The following SUPT3H variants were observed in gnomAD, a reference collection of about 807,000 sequenced individuals.
The protein encoded by SUPT3H is SPT3 homolog, SAGA and STAGA complex component.
Under a neutral mutation model 44.3 loss-of-function variants are expected in SUPT3H, and 44 were observed. The observed-to-expected ratio is 0.99, with a 90% CI of 0.78 to 1.28. The LOEUF is 1.28. Ranked by LOEUF, SUPT3H falls within the 50% of genes most tolerant of loss-of-function variation. The pLI is 0.00. For synonymous variants in SUPT3H, 124 were observed against 125.6 expected, an observed-to-expected ratio of 0.99 and a Z score of 0.09; for missense variants, 380 against 387.1, an observed-to-expected ratio of 0.98 and a Z score of 0.15.
At chr6:45,030,073 ATTTAACTATTTAGTATT>A (rs1461823440) in intron 3 of SUPT3H, among the ~76,000 whole-genome samples, 1 of 152,164 alleles carries the variant, frequency 6.6e-6, no homozygotes, top group East Asian at 1.9e-4. Context: ...CCTCTTTAAA[ATTTAACTATTTAGTATT>A]TAACTATTGA....
At chr6:45,046,606 C>G (rs1428827308) in intron 3 of SUPT3H, among the ~76,000 whole-genome samples, 2 of 152,224 alleles carry the variant, frequency 1.3e-5, no homozygotes, top group African/African-American at 4.8e-5. Context: ...GCTGGGATTA[C>G]AGGCGTGAGC....
rs796866510 is a variant in SUPT3H, at chr6:45,230,686, A to ATATATT, written c.102-124681_102-124680insAATATA. On this transcript the variant is annotated intron_variant, in intron 2 of 10. Coordinates refer to ENST00000371459, the MANE Select transcript of SUPT3H (RefSeq NM_003599.4). Reference sequence around the variant, plus strand: ...TCTATATATATATATATATATATATATTTTTGAGATGGAGTCTTGCTCTAT... The same window carrying ATATATT: ...TCTATATATATATATATATATATATATATATTTTTTTGAGATGGAGTCTTGCTCTAT... 1.7e-3 allele frequency among the ~76,000 whole-genome samples: 194 copies of ATATATT among 116,820 alleles called. 3 individuals carry two copies. The highest frequency in any genetic ancestry group is 5.7e-3 in the African/African-American group (180 of 31,840). 76.6% of individuals were successfully genotyped at this position (116,820 alleles called of 152,430 possible). A position where few individuals can be genotyped will look rare whatever the true frequency, so the allele number is the denominator to read the frequency against.
At chr6:45,336,248 G>A (rs1259103872) in intron 2 of SUPT3H, among the ~76,000 whole-genome samples, 4 of 151,346 alleles carry the variant, frequency 2.6e-5, no homozygotes, top group African/African-American at 9.7e-5. Context: ...GCTAGATAAG[G>A]ACAATGAGTA....
rs567784253 is a variant in SUPT3H at position 45,282,084 on chromosome 6, C to T, written c.101+83117G>A. Among the ~76,000 whole-genome samples, 11 of 152,294 alleles carry T rather than the reference C, an allele frequency of 7.2e-5. No individual in the cohort carries two copies. In the East Asian group the frequency reaches 1.9e-3, roughly 27 times the overall value. On this transcript the variant is annotated intron_variant, in intron 2 of 10. Transcript: ENST00000371459. ...AAGGACATCCACAACAAAAGCCCAT[C>T]TGTACGTCACTATCATCAAAGACCA...
chr6:45,330,094 G>T (rs1787149234), intron 2 of SUPT3H, among the ~76,000 whole-genome samples: 1 of 151,758 alleles, frequency 6.6e-6, no homozygotes, highest in Non-Finnish European at 1.5e-5. Flanking sequence ...CTTACAGGGT[G>T]AGGAAATGTA....
chr6:45,275,469 G>GT (rs1352443744), intron 2 of SUPT3H, among the ~76,000 whole-genome samples: 1 of 151,992 alleles, frequency 6.6e-6, no homozygotes, highest in Non-Finnish European at 1.5e-5. Flanking sequence ...TAAAATTATT[G>GT]TCAGTATTCA....
intron 10 of SUPT3H, among the ~76,000 whole-genome samples, chr6:44,831,202 A>T (rs917485486): frequency 7.2e-5 from 11 of 152,148 alleles, no homozygotes; most frequent in African/African-American, 2.7e-4. Context: ...TTATGCTGCT[A>T]TGCAGTTCAC....
intron 2 of SUPT3H, among the ~76,000 whole-genome samples, chr6:45,253,873 ACACACACACAG>A (rs1452444740): frequency 8.7e-5 from 12 of 138,074 alleles, no homozygotes; most frequent in South Asian, 2.3e-4. Flanking sequence ...ATATATATAT[ACACACACACAG>A]TACATATATA....
At chr6:45,169,155 G>A (rs574288433) in intron 2 of SUPT3H, among the ~76,000 whole-genome samples, 1 of 152,244 alleles carries the variant, frequency 6.6e-6, no homozygotes, top group Non-Finnish European at 1.5e-5. Flanking sequence ...CTGAAATCTA[G>A]CCCAACTCAT....
At chr6:45,063,295 C>G (rs1792526333) in intron 3 of SUPT3H, among the ~76,000 whole-genome samples, 1 of 149,136 alleles carries the variant, frequency 6.7e-6, no homozygotes, top group Non-Finnish European at 1.5e-5. Flanking sequence ...GACATCCACA[C>G]CGAAAACCCA....
At chr6:44,886,746 G>T (rs28791229) in intron 10 of SUPT3H, among the ~76,000 whole-genome samples, 6 of 152,164 alleles carry the variant, frequency 3.9e-5, no homozygotes, top group Non-Finnish European at 7.4e-5. Context: ...CATAATGACA[G>T]GATCAAATTC....
chr6:45,113,399 T>C (rs1244864610), intron 2 of SUPT3H, among the ~76,000 whole-genome samples: 1 of 152,202 alleles, frequency 6.6e-6, no homozygotes, highest in African/African-American at 2.4e-5. Context: ...ATTGGAAAGT[T>C]ATAAACACTA....
At chr6:45,362,648 C>T (rs1336543535) in intron 2 of SUPT3H, among the ~76,000 whole-genome samples, 2 of 152,088 alleles carry the variant, frequency 1.3e-5, no homozygotes, top group African/African-American at 2.4e-5. Context: ...TAACTTCAGA[C>T]TATAAATGAT....
intron 3 of SUPT3H, among the ~76,000 whole-genome samples, chr6:45,071,978 G>A (rs1794450262): frequency 6.6e-6 from 1 of 152,116 alleles, no homozygotes; most frequent in Admixed American, 6.5e-5. Flanking sequence ...CTGTCATTGA[G>A]TTCCTATGAG....
rs1428656292 is a variant in SUPT3H, at chr6:44,829,808, T to C, written c.*8A>G. On this transcript the variant is annotated 3_prime_UTR_variant, in exon 11 of 11. Transcript: ENST00000371459. Reference sequence around the variant, plus strand: ...TCCTGTTGTTGCAGGCACATCACAGTTGTCACATCAGCAGGCTAGAAAAGC... The same window carrying C: ...TCCTGTTGTTGCAGGCACATCACAGCTGTCACATCAGCAGGCTAGAAAAGC... The C allele has an allele frequency of 8.7e-6, 14 of 1,612,810 alleles. No homozygotes were observed. The highest frequency in any genetic ancestry group is 2.7e-5 in the African/African-American group (2 of 74,854).
intron 2 of SUPT3H, chr6:45,328,700 T>C: frequency 3.1e-6 from 5 of 1,611,966 alleles, no homozygotes; most frequent in Non-Finnish European, 3.4e-6. Context: ...AGGGTACAAG[T>C]TCTATCTGAA....
At chr6:45,252,959 C>G (rs933558995) in intron 2 of SUPT3H, among the ~76,000 whole-genome samples, 1 of 151,866 alleles carries the variant, frequency 6.6e-6, no homozygotes, top group Non-Finnish European at 1.5e-5. Flanking sequence ...GTGAGCCTAA[C>G]CATCTTCAGT....
intron 10 of SUPT3H, among the ~76,000 whole-genome samples, chr6:44,854,113 C>T (rs1162646762): frequency 1.3e-5 from 2 of 152,022 alleles, no homozygotes; most frequent in Non-Finnish European, 2.9e-5. Context: ...GACATTCAGT[C>T]ATTTAAACAG....
intron 2 of SUPT3H, among the ~76,000 whole-genome samples, chr6:45,297,074 A>AT (rs1157211728): frequency 9.3e-5 from 11 of 117,842 alleles, no homozygotes; most frequent in South Asian, 8.0e-4. Context: ...ACGGAAATAA[A>AT]TTTAAAAAAA....
Sources: allele counts gnomAD v4.1 joint callset (sites outside exome capture counted in the v4.1 genomes callset), GRCh38; gene constraint gnomAD v4.1.1; transcripts MANE v1.5; gene names NCBI Gene and HGNC (gene_info 2026-07-23, HGNC 2026-07-21).